The following PTPRT variants were observed in gnomAD, a reference collection of about 807,000 sequenced individuals.
The protein encoded by PTPRT is protein tyrosine phosphatase receptor type T.
In PTPRT, 56 loss-of-function variants were observed where a neutral mutation model predicts 176.8. That is an observed-to-expected ratio of 0.32 (90% CI 0.26 to 0.40). PTPRT has a LOEUF of 0.40. Ranked by LOEUF, PTPRT falls within the 10% of genes least tolerant of loss-of-function variation. PTPRT has a pLI of 1.00. For missense variants in PTPRT, 1,540 were observed against 1,908.2 expected (o/e 0.81, Z 3.60); for synonymous variants, 783 against 739.0 (o/e 1.06, Z -0.96).
chr20:42,294,509 GA>G (rs1386731979), intron 12 of PTPRT, among the ~76,000 whole-genome samples: 1 of 151,844 alleles, frequency 6.6e-6, no homozygotes, highest in Non-Finnish European at 1.5e-5. Context: ...ATCATCGACT[GA>G]AAAAAATACC....
At chr20:42,285,923 C>G (rs895935521) in intron 12 of PTPRT, among the ~76,000 whole-genome samples, 2 of 151,832 alleles carry the variant, frequency 1.3e-5, no homozygotes, top group African/African-American at 2.4e-5. Flanking sequence ...AAAATCAGTA[C>G]TGTTTCTATA....
intron 5 of PTPRT, among the ~76,000 whole-genome samples, chr20:42,759,807 A>C (rs558365984): frequency 1.4e-4 from 21 of 152,332 alleles, no homozygotes; most frequent in African/African-American, 5.1e-4. Flanking sequence ...TTCTAAAGTG[A>C]AATCATCGTC....
At chr20:42,394,324 C>G (rs1826681712) in intron 9 of PTPRT, among the ~76,000 whole-genome samples, 1 of 152,144 alleles carries the variant, frequency 6.6e-6, no homozygotes, top group Middle Eastern at 3.2e-3. Context: ...ATTTTCTTCA[C>G]CAGTGATCGG....
chr20:43,088,786 C>G (rs2011709512), intron 1 of PTPRT, among the ~76,000 whole-genome samples: 1 of 152,126 alleles, frequency 6.6e-6, no homozygotes, highest in Admixed American at 6.6e-5. Flanking sequence ...TGGAAAAATG[C>G]TCACCTCTGA....
intron 7 of PTPRT, among the ~76,000 whole-genome samples, chr20:42,605,768 G>A (rs565183361): frequency 1.6e-4 from 25 of 152,298 alleles, no homozygotes; most frequent in East Asian, 1.4e-3. Flanking sequence ...CCTCCTACAG[G>A]AGCCCAGAGC....
intron 7 of PTPRT, among the ~76,000 whole-genome samples, chr20:42,641,307 T>C (rs572166420): frequency 2.6e-5 from 4 of 152,140 alleles, no homozygotes; most frequent in Non-Finnish European, 5.9e-5. Flanking sequence ...CTAAGGGTAA[T>C]TGCATGAACT....
chr20:42,458,604 G>A (rs1844757730), intron 8 of PTPRT, among the ~76,000 whole-genome samples: 1 of 152,130 alleles, frequency 6.6e-6, no homozygotes, highest in African/African-American at 2.4e-5. Flanking sequence ...GGGTAGCCTA[G>A]AGATCACTAA....
At chr20:42,473,861 G>C (rs1036584413) in intron 7 of PTPRT, among the ~76,000 whole-genome samples, 4 of 152,132 alleles carry the variant, frequency 2.6e-5, no homozygotes, top group African/African-American at 9.7e-5. Context: ...TTTCTTATCT[G>C]GGAGGAGTCA....
intron 1 of PTPRT, among the ~76,000 whole-genome samples, chr20:43,072,709 T>A (rs1268530409): frequency 6.6e-6 from 1 of 152,248 alleles, no homozygotes. Flanking sequence ...AAAGCTTCTA[T>A]CTTTAGAAAA....
At chr20:42,417,416 C>G (rs1019094931) in intron 9 of PTPRT, among the ~76,000 whole-genome samples, 1 of 151,978 alleles carries the variant, frequency 6.6e-6, no homozygotes, top group Non-Finnish European at 1.5e-5. Flanking sequence ...CCTGAACATG[C>G]CTTGTTTCGT....
At chr20:42,623,549 A>C (rs2074236864) in intron 7 of PTPRT, among the ~76,000 whole-genome samples, 1 of 152,192 alleles carries the variant, frequency 6.6e-6, no homozygotes, top group Non-Finnish European at 1.5e-5. Context: ...AATGGGATGA[A>C]ATGGTGATAG....
chr20:42,717,841 A>G (rs1327174344), intron 6 of PTPRT, among the ~76,000 whole-genome samples: 1 of 152,144 alleles, frequency 6.6e-6, no homozygotes, highest in Non-Finnish European at 1.5e-5. Context: ...TGAATATCCA[A>G]TTCAAACACA....
At chr20:43,125,668 C>G (rs2013411630) in intron 1 of PTPRT, among the ~76,000 whole-genome samples, 1 of 152,066 alleles carries the variant, frequency 6.6e-6, no homozygotes, top group Non-Finnish European at 1.5e-5. Context: ...CATTTGAAAC[C>G]CATTCTTTGT....
intron 7 of PTPRT, among the ~76,000 whole-genome samples, chr20:42,647,592 G>C (rs1289926277): frequency 2.6e-5 from 4 of 152,048 alleles, no homozygotes; most frequent in Admixed American, 6.5e-5. Context: ...TGATCCTCAG[G>C]AAGTTCCACA....
rs1349140570 is a variant in PTPRT at position 42,883,676 on chromosome 20, C to T, written c.214+2131G>A. Among the ~76,000 whole-genome samples, 3 of 11,090 alleles carry T rather than the reference C, an allele frequency of 2.7e-4. No individual in the cohort carries two copies. The East Asian group carries it at 8.5e-3, about 31-fold the overall frequency. The allele number at this position is 11,090 out of a possible 152,430, so 7.3% of individuals were successfully genotyped here. On this transcript the variant is annotated intron_variant, in intron 2 of 30. Transcript: ENST00000373187. The stretch of plus-strand genomic sequence containing the variant: ...CCATATACACACACCCATACAAACA[C>T]ACGGACACACACACACACCTCCCAT...
intron 1 of PTPRT, among the ~76,000 whole-genome samples, chr20:43,022,726 AT>A (rs1183007902): frequency 6.6e-6 from 1 of 152,140 alleles, no homozygotes; most frequent in East Asian, 1.9e-4. Flanking sequence ...AAAATAGAAT[AT>A]GTGGCCAAAT....
intron 1 of PTPRT, among the ~76,000 whole-genome samples, chr20:43,025,810 T>A (rs1261710815): frequency 6.6e-6 from 1 of 152,168 alleles, no homozygotes; most frequent in Non-Finnish European, 1.5e-5. Context: ...TGTGAGGTGA[T>A]CCATCCCCAG....
intron 1 of PTPRT, among the ~76,000 whole-genome samples, chr20:42,991,438 A>C (rs886374397): frequency 2.0e-5 from 3 of 152,156 alleles, no homozygotes; most frequent in African/African-American, 7.2e-5. Context: ...AAAAAAAAAA[A>C]GAAACGTATT....
At chr20:42,841,897 G>C (rs184402836) in intron 2 of PTPRT, among the ~76,000 whole-genome samples, 19 of 152,264 alleles carry the variant, frequency 1.2e-4, no homozygotes, top group African/African-American at 4.6e-4. Flanking sequence ...CTGCAATTTG[G>C]CCAGAAGGCC....
Sources: gnomAD v4.1 joint callset for allele counts (sites outside exome capture counted in the v4.1 genomes callset) on GRCh38, gnomAD v4.1.1 for gene constraint, MANE v1.5 for transcripts, NCBI Gene and HGNC (gene_info 2026-07-23, HGNC 2026-07-21) for gene names.